Variants in FBN3 observed in about 807,000 individuals in gnomAD.
FBN3 encodes the protein fibrillin-3.
In FBN3, 234 loss-of-function variants were observed where a neutral mutation model predicts 330.1. That is an observed-to-expected ratio of 0.71 (90% CI 0.64 to 0.79). The LOEUF (loss-of-function observed/expected upper bound fraction) is 0.79, where lower values mean the gene tolerates loss of function less well. Ranked by LOEUF, FBN3 falls within the 30% of genes least tolerant of loss-of-function variation. The pLI is 0.00. For synonymous variants in FBN3, 1,458 were observed against 1,517.3 expected (o/e 0.96, Z 0.91); for missense variants, 3,606 against 3,886.9 (o/e 0.93, Z 1.92).
At position 8,090,240 on chromosome 19, in the gene FBN3, T is replaced by G; in HGVS notation, c.6043A>C (p.Ser2015Arg). The G allele has an allele frequency of 6.2e-7, 1 of 1,613,806 alleles. No individual in the cohort carries two copies. Among genetic ancestry groups the G allele is most frequent in the Non-Finnish European group, 8.5e-7 (1 of 1,179,954 alleles). The change falls in exon 49 of 64, where the codon AGT becomes CGT. Residue 2015 changes from serine to arginine, a missense_variant. Transcript: ENST00000600128. ...GCCTCAAAACGGGTGAAGCAGAAACTCTGCCGTGTGTCTGTGGGGTGGGGG... is the reference window on the plus strand; with the variant it reads ...GCCTCAAAACGGGTGAAGCAGAAACGCTGCCGTGTGTCTGTGGGGTGGGGG... ...NGHRCFDTRQSFCFTRFEAGK... is the reference protein window; with the variant it reads ...NGHRCFDTRQRFCFTRFEAGK...
At position 8,145,373 on chromosome 19, in the gene FBN3, C is replaced by CA. The variant is rs55926242; in HGVS notation, c.446-402dup. Among the ~76,000 whole-genome samples the CA allele has an allele frequency of 2.0e-3, 169 of 86,284 alleles. 2 individuals carry two copies. Among genetic ancestry groups the CA allele is most frequent in the East Asian group, 5.7e-3 (15 of 2,638 alleles). 56.6% of individuals were successfully genotyped at this position (86,284 alleles called of 152,430 possible). ...TGGGCAACAGAGCAAAACTCCATCTCAAAAAAAAAAAAAAAAAAAAAAAAG... is the reference window on the plus strand; with the variant it reads ...TGGGCAACAGAGCAAAACTCCATCTCAAAAAAAAAAAAAAAAAAAAAAAAAG... On this transcript the variant is annotated intron_variant, in intron 5 of 63. Transcript: ENST00000600128.
chr19:8,087,318 G>A, intron 53 of FBN3, 107 bp from the exon 54 acceptor site: 2 of 1,237,012 alleles, frequency 1.6e-6, no homozygotes, highest in Non-Finnish European at 1.1e-6. Context: ...TGAGTTCCCT[G>A]CAGACCCTGT....
At chr19:8,140,662 G>C (rs2083390241) in intron 8 of FBN3, among the ~76,000 whole-genome samples, 1 of 152,000 alleles carries the variant, frequency 6.6e-6, no homozygotes, top group Non-Finnish European at 1.5e-5. Flanking sequence ...CCATTTTACA[G>C]ATGGGGAAAC....
chr19:8,103,654 C>T lies in FBN3; in HGVS notation c.4847G>A (p.Cys1616Tyr), dbSNP rs141592778. The T allele has an allele frequency of 2.1e-3, 3,327 of 1,613,686 alleles. 4 individuals are homozygous for T. The highest frequency in any genetic ancestry group is 2.5e-3 in the Non-Finnish European group (2,903 of 1,179,746). The stretch of plus-strand genomic sequence containing the variant: ...GGTGTTGTAGCAGGTGCCAGGGCCA[C>T]AGATGCCGGAGTGTGTGGAGCATTC... Reference protein sequence around the residue: ...IDECSTHSGICGPGTCYNTLG... With the variant: ...IDECSTHSGIYGPGTCYNTLG... Residue 1616 changes from cysteine to tyrosine, a missense_variant, in exon 39 of 64, where the codon TGT becomes TAT. Coordinates refer to ENST00000600128, the MANE Select transcript of FBN3 (RefSeq NM_032447.5).
intron 13 of FBN3, among the ~76,000 whole-genome samples, chr19:8,135,539 C>T (rs1004861916): frequency 1.6e-4 from 19 of 119,284 alleles, no homozygotes; most frequent in African/African-American, 6.3e-4. Flanking sequence ...GGATTACAGG[C>T]GTGATCCACT....
In FBN3 at chr19:8,128,292, A is replaced by G. The variant is rs189402246; in HGVS notation, c.2296+736T>C. On this transcript the variant is annotated intron_variant, in intron 18 of 63. Transcript: ENST00000600128. ...GAGAATGAGTGTATGGGCCAGGTGT[A>G]GTGGCTCGCGCCTATAATCCCAGCA... 1.2e-4 allele frequency among the ~76,000 whole-genome samples: 18 copies of G among 152,266 alleles called. 1 individual carries two copies. In the East Asian group the frequency reaches 3.3e-3, roughly 28 times the overall value.
In FBN3 at chr19:8,110,762, T is replaced by C. The variant is rs2082560673; in HGVS notation, c.4333+83A>G. Reference sequence around the variant, plus strand: ...AGGGGAGGATGCTTGAAAAGAGATCTGAGGGCAGTGAGGGAGTGAGCCATG... The same window carrying C: ...AGGGGAGGATGCTTGAAAAGAGATCCGAGGGCAGTGAGGGAGTGAGCCATG... On this transcript the variant is annotated intron_variant, in intron 34 of 63. Transcript: ENST00000600128. The C allele has an allele frequency of 9.0e-6, 14 of 1,561,722 alleles. No individual in the cohort carries two copies. In the South Asian group the frequency reaches 1.1e-4, roughly 13 times the overall value.
At chr19:8,085,830 C>T (rs1472930111) in intron 55 of FBN3, among the ~76,000 whole-genome samples, 1 of 151,908 alleles carries the variant, frequency 6.6e-6, no homozygotes, top group Non-Finnish European at 1.5e-5. Context: ...TCCCGCTCTT[C>T]CAGTATTTAA....
At chr19:8,076,016 A>AG (rs1247074506) in intron 59 of FBN3, among the ~76,000 whole-genome samples, 3 of 152,064 alleles carry the variant, frequency 2.0e-5, no homozygotes, top group African/African-American at 7.2e-5. Context: ...TAAGGTCATG[A>AG]GGGTAGGGCT....
At chr19:8,095,109 C>G (rs1174764166) in intron 46 of FBN3, among the ~76,000 whole-genome samples, 1 of 152,046 alleles carries the variant, frequency 6.6e-6, no homozygotes, top group Admixed American at 6.6e-5. Flanking sequence ...GTAGCTAGGA[C>G]TACAGGCAAT....
At chr19:8,076,719 C>G (rs575665026) in intron 59 of FBN3, among the ~76,000 whole-genome samples, 19 of 152,190 alleles carry the variant, frequency 1.2e-4, no homozygotes, top group Non-Finnish European at 2.4e-4. Flanking sequence ...ATGGCCACCA[C>G]ATCTTCACTT....
At chr19:8,126,228 G>C in intron 21 of FBN3, 69 bp downstream of exon 21, 1 of 1,508,814 alleles carries the variant, frequency 6.6e-7, no homozygotes, top group Non-Finnish European at 9.1e-7. Flanking sequence ...TGGCACCCAT[G>C]AGGGTGGTGC....
rs1029148095 is a variant in FBN3 at position 8,085,476 on chromosome 19, C to T, written c.6974G>A (p.Cys2325Tyr). Reference protein sequence around the residue: ...SSEAVTRAECCCGGGRGWGPR... With the variant: ...SSEAVTRAECYCGGGRGWGPR... ...CCCCCAGCCCCGGCCACCCCCACAG[C>T]AGCACTCGGCCCTGGTGACAGCCTC... The change falls in exon 56 of 64, where the codon TGC becomes TAC. Residue 2325 changes from cysteine to tyrosine, a missense_variant. Physicochemically the swap from Cys to Tyr is radical, Grantham distance 194. Coordinates refer to ENST00000600128, the MANE Select transcript of FBN3 (RefSeq NM_032447.5). 1.3e-6 allele frequency: 2 copies of T among 1,588,202 alleles called. No homozygotes were observed. The highest frequency in any genetic ancestry group is 1.7e-4 in the Middle Eastern group (1 of 5,788).
intron 30 of FBN3, among the ~76,000 whole-genome samples, chr19:8,115,124 G>C (rs767325501): frequency 6.6e-6 from 1 of 152,146 alleles, no homozygotes; most frequent in Non-Finnish European, 1.5e-5. Context: ...CAAAGTGCTG[G>C]GATTACAGGC....
chr19:8,084,154 G>A (rs1262609234), intron 56 of FBN3, among the ~76,000 whole-genome samples: 4 of 152,074 alleles, frequency 2.6e-5, no homozygotes, highest in Admixed American at 6.6e-5. Flanking sequence ...CTCACTATCA[G>A]TGACACACTC....
intron 18 of FBN3, among the ~76,000 whole-genome samples, chr19:8,128,014 A>T (rs1297836169): frequency 6.6e-6 from 1 of 151,946 alleles, no homozygotes; most frequent in Non-Finnish European, 1.5e-5. Context: ...AAGATAAAAT[A>T]AAAAAAATAA....
At chr19:8,130,018 C>G (rs1568439143) in intron 16 of FBN3, among the ~76,000 whole-genome samples, 1 of 152,036 alleles carries the variant, frequency 6.6e-6, no homozygotes, top group South Asian at 2.1e-4. Flanking sequence ...ATGACTCAGC[C>G]CCCCAAGTAG....
chr19:8,122,164 C>T (rs2082867658), intron 24 of FBN3, among the ~76,000 whole-genome samples: 1 of 152,138 alleles, frequency 6.6e-6, no homozygotes, highest in South Asian at 2.1e-4. Flanking sequence ...GCTGGGACTA[C>T]AGTTAATGCA....
At chr19:8,112,154 T>G (rs1256723710) in intron 30 of FBN3, 55 bp from the exon 31 acceptor site, 8 of 1,579,740 alleles carry the variant, frequency 5.1e-6, no homozygotes, top group Non-Finnish European at 6.9e-6. Context: ...AAAGACTCGA[T>G]GCAATAGCAG....
Sources: gnomAD v4.1 joint callset for allele counts (sites outside exome capture counted in the v4.1 genomes callset) on GRCh38, gnomAD v4.1.1 for gene constraint, MANE v1.5 for transcripts, NCBI Gene and HGNC (gene_info 2026-07-23, HGNC 2026-07-21) for gene names.